Variants in IGF2R observed in about 807,000 individuals in gnomAD.
IGF2R encodes insulin like growth factor 2 receptor.
In IGF2R, 91 loss-of-function variants were observed where a neutral mutation model predicts 270.6. That is an observed-to-expected ratio of 0.34 (90% CI 0.28 to 0.40). IGF2R has a LOEUF of 0.40. Ranked by LOEUF, IGF2R falls within the 10% of genes least tolerant of loss-of-function variation. The pLI, the probability that IGF2R is intolerant of heterozygous loss-of-function variation, is 1.00. For synonymous variants in IGF2R, 1,316 were observed against 1,258.9 expected (o/e 1.05, Z -0.96); for missense variants, 2,805 against 3,188.3 (o/e 0.88, Z 2.90).
intron 10 of IGF2R, among the ~76,000 whole-genome samples, chr6:160,036,752 A>T (rs1777835901): frequency 6.6e-6 from 1 of 152,122 alleles, no homozygotes; most frequent in South Asian, 2.1e-4. Flanking sequence ...AAACCAAAGA[A>T]CAGAAAGAAA....
intron 45 of IGF2R, 33 bp downstream of exon 45, chr6:160,096,658 A>G: frequency 6.6e-7 from 1 of 1,524,234 alleles, no homozygotes; most frequent in Non-Finnish European, 9.0e-7. Flanking sequence ...TAGCACTTGT[A>G]CCCCACATCT....
rs1778355630 is a variant in IGF2R at position 160,058,227 on chromosome 6, TG to T, written c.2898+104del. 6.6e-6 allele frequency: 5 copies of T among 756,374 alleles called. No homozygotes were observed. In the South Asian group the frequency reaches 7.8e-5, roughly 12 times the overall value. The allele number at this position is 756,374 out of a possible 1,614,324, so 46.9% of individuals were successfully genotyped here. ...GATATGAGAGAATTGCCCAGGCCACTGTGGTGGCAGCTCTTACTCAGAAGGA... is the reference window on the plus strand; with the variant it reads ...GATATGAGAGAATTGCCCAGGCCACTTGGTGGCAGCTCTTACTCAGAAGGA... On this transcript the variant is annotated intron_variant, in intron 21 of 47. Coordinates refer to ENST00000356956, the MANE Select transcript of IGF2R (RefSeq NM_000876.4).
At position 160,060,566 on chromosome 6, in the gene IGF2R, C is replaced by T. The variant is rs373179443; in HGVS notation, c.3111C>T (p.Ile1037=). 4.3e-6 allele frequency: 7 copies of T among 1,614,230 alleles called. No homozygotes were observed. The African/African-American group carries it at 5.3e-5, about 12-fold the overall frequency. ...LSAKGTADAF[I]VRFVCNDDVY... ...TTACAGGTACCGCTGATGCTTTTAT[C>T]GTCCGCTTTGTTTGCAATGATGATG... Residue 1037 remains isoleucine (I), a synonymous_variant, in exon 23 of 48, where the codon ATC becomes ATT. Coordinates refer to ENST00000356956, the MANE Select transcript of IGF2R (RefSeq NM_000876.4).
chr6:160,012,760 TATA>T (rs1277636515), intron 4 of IGF2R, among the ~76,000 whole-genome samples: 13 of 71,784 alleles, frequency 1.8e-4, no homozygotes, highest in African/African-American at 6.6e-4. Context: ...TATATATATA[TATA>T]TTTTTTTTTT....
At chr6:160,086,739 C>T (rs1779104808) in intron 41 of IGF2R, among the ~76,000 whole-genome samples, 1 of 152,202 alleles carries the variant, frequency 6.6e-6, no homozygotes, top group Non-Finnish European at 1.5e-5. Flanking sequence ...TGGGGCAGGC[C>T]TGAGAGCCTA....
intron 10 of IGF2R, among the ~76,000 whole-genome samples, chr6:160,035,865 G>A (rs917013368): frequency 6.6e-6 from 1 of 152,146 alleles, no homozygotes; most frequent in Admixed American, 6.5e-5. Flanking sequence ...AGGTCAGCTG[G>A]CTGGGGTCTG....
At chr6:159,972,777 C>T (rs988847329) in intron 1 of IGF2R, among the ~76,000 whole-genome samples, 4 of 152,214 alleles carry the variant, frequency 2.6e-5, no homozygotes, top group Non-Finnish European at 5.9e-5. Context: ...TTAACTGTGT[C>T]CGTGCACGTG....
chr6:160,104,063 G>A (rs763777379), intron 47 of IGF2R, among the ~76,000 whole-genome samples: 37 of 151,732 alleles, frequency 2.4e-4, no homozygotes, highest in Admixed American at 1.8e-3. Context: ...TGTTTCCACT[G>A]TTTTTGGCTG....
chr6:160,024,539 C>T, intron 4 of IGF2R, 33 bp from the exon 5 acceptor site: 1 of 1,610,454 alleles, frequency 6.2e-7, no homozygotes, highest in Non-Finnish European at 8.5e-7. Context: ...AAGATGTATA[C>T]TGAAGACTCA....
In IGF2R at chr6:160,064,418, C is replaced by T. The variant is rs753741495; in HGVS notation, c.3904C>T (p.Leu1302=). Residue 1302 remains leucine, a synonymous_variant, in exon 28 of 48, where the codon CTA becomes TTA. Transcript: ENST00000356956. ...HKVAGLLTQK[L]TYENGLLKMN... Reference sequence around the variant, plus strand: ...CTTTACAGGTCTCCTGACTCAGAAGCTAACTTATGAAAATGGCTTGTTAAA... The same window carrying T: ...CTTTACAGGTCTCCTGACTCAGAAGTTAACTTATGAAAATGGCTTGTTAAA... 1.1e-4 allele frequency: 170 copies of T among 1,614,034 alleles called. 1 individual carries two copies. In the Admixed American group the frequency reaches 2.8e-3, roughly 26 times the overall value.
At chr6:160,039,883 G>A (rs1011678507) in intron 10 of IGF2R, among the ~76,000 whole-genome samples, 1 of 152,164 alleles carries the variant, frequency 6.6e-6, no homozygotes, top group Non-Finnish European at 1.5e-5. Context: ...GCTGATGGAT[G>A]GGAAATCTGG....
chr6:160,080,216 T>C lies in IGF2R; in HGVS notation c.5774T>C (p.Leu1925Pro). The change falls in exon 39 of 48, where the codon CTG becomes CCG. Residue 1925 changes from leucine (L) to proline (P), a missense_variant. Leu to Pro is a moderately conservative substitution (Grantham distance 98). Transcript: ENST00000356956. Reference sequence around the variant, plus strand: ...TGCATCATAGAGAGCAGGGCGAAGCTGTGGTGTAGCACAACTGCGGACTAC... The same window carrying C: ...TGCATCATAGAGAGCAGGGCGAAGCCGTGGTGTAGCACAACTGCGGACTAC... ...EECIIESRAKLWCSTTADYDR... is the reference protein window; with the variant it reads ...EECIIESRAKPWCSTTADYDR... 2.5e-6 allele frequency: 4 copies of C among 1,614,206 alleles called. No individual in the cohort carries two copies. Among genetic ancestry groups the C allele is most frequent in the Non-Finnish European group, 3.4e-6 (4 of 1,180,018 alleles).
intron 31 of IGF2R, among the ~76,000 whole-genome samples, chr6:160,070,969 C>T (rs994349250): frequency 6.6e-6 from 1 of 152,130 alleles, no homozygotes; most frequent in Non-Finnish European, 1.5e-5. Context: ...GGCTCATGGC[C>T]GAGGACAAAA....
At position 160,071,930 on chromosome 6, in the gene IGF2R, C is replaced by G; in HGVS notation, c.4464C>G (p.Ile1488Met). 6.2e-7 allele frequency: 1 copy of G among 1,614,186 alleles called. No individual in the cohort carries two copies. Among genetic ancestry groups the G allele is most frequent in the Non-Finnish European group, 8.5e-7 (1 of 1,180,020 alleles). Residue 1488 changes from isoleucine to methionine, a missense_variant, in exon 32 of 48, where the codon ATC becomes ATG. Coordinates refer to ENST00000356956, the MANE Select transcript of IGF2R (RefSeq NM_000876.4). Reference protein sequence around the residue: ...ESQVNSRPMFISAVEDCEYTF... With the variant: ...ESQVNSRPMFMSAVEDCEYTF... ...TGTAGAACTCCAGGCCCATGTTCATCAGCGCCGTGGAGGACTGTGAGTACA... is the reference window on the plus strand; with the variant it reads ...TGTAGAACTCCAGGCCCATGTTCATGAGCGCCGTGGAGGACTGTGAGTACA...
intron 13 of IGF2R, among the ~76,000 whole-genome samples, chr6:160,045,233 A>G (rs1481058194): frequency 2.6e-5 from 4 of 152,320 alleles, no homozygotes; most frequent in South Asian, 2.1e-4. Context: ...TGTTGGATTA[A>G]TAGCGCGTTT....
At chr6:160,086,058 A>G (rs755278519) in intron 41 of IGF2R, among the ~76,000 whole-genome samples, 1 of 152,236 alleles carries the variant, frequency 6.6e-6, no homozygotes, top group African/African-American at 2.4e-5. Context: ...GTCTTTCCCC[A>G]ACTTCAGCCA....
chr6:160,036,771 GAAAA>G (rs79691670), intron 10 of IGF2R, among the ~76,000 whole-genome samples: 1 of 147,884 alleles, frequency 6.8e-6, no homozygotes, highest in Non-Finnish European at 1.5e-5. Flanking sequence ...AAGAAAAATA[GAAAA>G]AAAAAAGAAG....
intron 27 of IGF2R, among the ~76,000 whole-genome samples, chr6:160,064,142 T>A (rs1778503863): frequency 6.6e-6 from 1 of 152,214 alleles, no homozygotes; most frequent in Non-Finnish European, 1.5e-5. Context: ...GAAAGTGACA[T>A]TCCCTTAGGT....
intron 4 of IGF2R, among the ~76,000 whole-genome samples, chr6:160,022,676 A>G (rs1042713452): frequency 2.0e-5 from 3 of 152,184 alleles, no homozygotes; most frequent in Non-Finnish European, 4.4e-5. Context: ...AGCCCCTATT[A>G]TAGTGGGGGG....
Sources: allele counts gnomAD v4.1 joint callset (sites outside exome capture counted in the v4.1 genomes callset), GRCh38; gene constraint gnomAD v4.1.1; transcripts MANE v1.5; gene names NCBI Gene and HGNC (gene_info 2026-07-23, HGNC 2026-07-21).